PXN: variants seen among roughly 807,000 people sequenced by gnomAD.
The protein encoded by PXN is paxillin.
PXN carries 61 observed loss-of-function variants against 103.6 expected under a neutral mutation model. The ratio of observed to expected loss-of-function variants is 0.59; its 90% CI spans 0.48 to 0.73. The LOEUF (loss-of-function observed/expected upper bound fraction) is 0.73. Among genes scored for constraint, PXN ranks in the 30% least tolerant of loss-of-function variants. The pLI is 0.00. For missense variants in PXN, 1,274 were observed against 1,460.3 expected, an observed-to-expected ratio of 0.87 and a Z score of 2.08; for synonymous variants, 562 against 607.8, an observed-to-expected ratio of 0.92 and a Z score of 1.11.
chr12:120,261,535 C>T lies in PXN; in HGVS notation c.13+4082G>A, dbSNP rs548777466. Among the ~76,000 whole-genome samples the T allele has an allele frequency of 3.9e-5, 6 of 152,100 alleles. No individual in the cohort carries two copies. In the East Asian group the frequency reaches 7.7e-4, roughly 20 times the overall value. On this transcript the variant is annotated intron_variant, in intron 1 of 14. Coordinates refer to ENST00000637617, the MANE Select transcript of PXN (RefSeq NM_001385981.1). ...AAGGCACTGAGACTAGGATGATCCC[C>T]GGAAAGGCTGCAATGAGGCTGGAAG...
In PXN at chr12:120,214,772, G is replaced by A; in HGVS notation, c.2748+53C>T. ...GCACCCCCTGCATCCTCAGAGGGCT[G>A]CGGTGAAGCTGGAATGAGCGGAAGC... On this transcript the variant is annotated intron_variant, in intron 12 of 14. Coordinates refer to ENST00000637617, the MANE Select transcript of PXN (RefSeq NM_001385981.1). The surrounding 1 kb of genome is among the most constrained non-coding windows in gnomAD (Gnocchi z 5.0). 1 of 1,602,002 alleles carries A rather than the reference G, an allele frequency of 6.2e-7. No homozygotes were observed. The highest frequency in any genetic ancestry group is 8.5e-7 in the Non-Finnish European group (1 of 1,171,866).
chr12:120,250,531 C>T (rs1212073756), intron 1 of PXN, among the ~76,000 whole-genome samples: 2 of 152,172 alleles, frequency 1.3e-5, no homozygotes, highest in Admixed American at 1.3e-4. Context: ...GATCTCAGCA[C>T]AGCTCCCTGT....
rs1258266833 is a variant in PXN, at chr12:120,217,030, A to T, written c.1803T>A (p.Pro601=). The change falls in exon 8 of 15, where the codon CCT becomes CCA. Residue 601 remains proline (P), a synonymous_variant. Transcript: ENST00000637617. The surrounding 1 kb of genome is among the most constrained non-coding windows in gnomAD (Gnocchi z 4.1). ...REPSPRRRLD[P]ATLSRTPSQE... ...GGGATGGGGTCCTGCTCAAGGTGGC[A>T]GGGTCCAGCCGGCGGCGAGGGGAGG... The T allele has an allele frequency of 5.1e-6, 8 of 1,584,068 alleles. No individual in the cohort carries two copies. The highest frequency in any genetic ancestry group is 6.8e-6 in the Non-Finnish European group (8 of 1,173,640).
chr12:120,228,888 G>A lies in PXN; in HGVS notation c.14-4511C>T, dbSNP rs1005587754. ...GCTTTGGGTCGGGAGGCCGCCCTGGGGCAGGTGGCTGGGCAGAAACAGTGC... is the reference window on the plus strand; with the variant it reads ...GCTTTGGGTCGGGAGGCCGCCCTGGAGCAGGTGGCTGGGCAGAAACAGTGC... On this transcript the variant is annotated intron_variant, in intron 1 of 14. Transcript: ENST00000637617. This position sits in a 1 kb window ranked among gnomAD's most constrained non-coding sequence, Gnocchi z 4.7. Among the ~76,000 whole-genome samples, 4 of 152,216 alleles carry A rather than the reference G, an allele frequency of 2.6e-5. No individual in the cohort carries two copies. The highest frequency in any genetic ancestry group is 9.6e-5 in the African/African-American group (4 of 41,458).
In PXN at chr12:120,223,846, G is replaced by C; in HGVS notation, c.241-13C>G. Reference sequence around the variant, plus strand: ...ATGAGGACTGAGGCTGCGAGAAGGAGAATGCTCAGAGGCTACCCCGAGGGG... The same window carrying C: ...ATGAGGACTGAGGCTGCGAGAAGGACAATGCTCAGAGGCTACCCCGAGGGG... On this transcript the variant is annotated splice_polypyrimidine_tract_variant and intron_variant, in intron 2 of 14. Transcript: ENST00000637617. The C allele has an allele frequency of 6.4e-7, 1 of 1,559,826 alleles. No individual in the cohort carries two copies. The highest frequency in any genetic ancestry group is 8.8e-7 in the Non-Finnish European group (1 of 1,141,602).
Position 120,216,554 on chromosome 12 carries a change from G to A in PXN, c.2020C>T (p.Pro674Ser). 1 of 1,423,650 alleles carries A rather than the reference G, an allele frequency of 7.0e-7. No individual in the cohort carries two copies. Among genetic ancestry groups the A allele is most frequent in the Non-Finnish European group, 9.1e-7 (1 of 1,097,914 alleles). 88.2% of individuals were successfully genotyped at this position (1,423,650 alleles called of 1,614,324 possible). Residue 674 changes from proline to serine, a missense_variant, in exon 9 of 15, where the codon CCC becomes TCC. This residue lies in a region of PXN where 1,178 missense variants were observed against 1,309.0 expected (regional missense o/e 0.90). Transcript: ENST00000637617. This position sits in a 1 kb window ranked among gnomAD's most constrained non-coding sequence, Gnocchi z 5.1. ...KVVFPPGSPI[P>S]LRRTISVLAS... is the part of the protein sequence containing the mutation. ...AGGACAGAGATGGTTCTTCTCAGGG[G>A]AATGGGAGAGCCAGGAGGGAAGACA...
chr12:120,239,871 C>A (rs902283008), intron 1 of PXN, among the ~76,000 whole-genome samples: 2 of 151,704 alleles, frequency 1.3e-5, no homozygotes, highest in South Asian at 4.1e-4. Flanking sequence ...GAAGAGCTAG[C>A]TAGCAACACT....
At chr12:120,241,503 G>A (rs542286536) in intron 1 of PXN, among the ~76,000 whole-genome samples, 42 of 152,290 alleles carry the variant, frequency 2.8e-4, no homozygotes, top group African/African-American at 9.1e-4. Flanking sequence ...GGCTCCAATC[G>A]CGTTCACAAA....
intron 1 of PXN, among the ~76,000 whole-genome samples, chr12:120,237,994 C>T (rs998109863): frequency 2.0e-5 from 3 of 152,162 alleles, no homozygotes; most frequent in East Asian, 1.9e-4. Flanking sequence ...AGGAGGAATG[C>T]CCCGGCCACT....
intron 1 of PXN, among the ~76,000 whole-genome samples, chr12:120,241,308 G>T (rs938740968): frequency 6.6e-6 from 1 of 152,148 alleles, no homozygotes; most frequent in Non-Finnish European, 1.5e-5. Context: ...TTTCTGGAAT[G>T]GGACCTGCCT....
Position 120,216,083 on chromosome 12 carries a change from C to G in PXN, c.2301+190G>C. On this transcript the variant is annotated intron_variant, in intron 9 of 14. Transcript: ENST00000637617. The surrounding 1 kb of genome is among the most constrained non-coding windows in gnomAD (Gnocchi z 5.1). Reference sequence around the variant, plus strand: ...GACCCACAGAAAAGCAAGAGGGCAGCGGACCTTCTGAGTGGGGGAAGACCG... The same window carrying G: ...GACCCACAGAAAAGCAAGAGGGCAGGGGACCTTCTGAGTGGGGGAAGACCG... 1 of 1,296,420 alleles carries G rather than the reference C, an allele frequency of 7.7e-7. No homozygotes were observed. Among genetic ancestry groups the G allele is most frequent in the South Asian group, 2.8e-5 (1 of 35,850 alleles). 80.3% of individuals were successfully genotyped at this position (1,296,420 alleles called of 1,614,324 possible). A position where few individuals can be genotyped will look rare whatever the true frequency, so the allele number is the denominator to read the frequency against.
At position 120,222,798 on chromosome 12, in the gene PXN, G is replaced by C. The variant is rs1362474498; in HGVS notation, c.494-48C>G. On this transcript the variant is annotated intron_variant, in intron 4 of 14. Transcript: ENST00000637617. The surrounding 1 kb of genome is among the most constrained non-coding windows in gnomAD (Gnocchi z 4.7). ...GCTGCTCAGCCCTTGAGCCCTCCTG[G>C]GATCTAGAGGTCAGCAGATGGGCCC... The C allele has an allele frequency of 6.2e-7, 1 of 1,601,858 alleles. No individual in the cohort carries two copies. Among genetic ancestry groups the C allele is most frequent in the Non-Finnish European group, 8.5e-7 (1 of 1,173,810 alleles).
rs1879994988 is a variant in PXN, at chr12:120,210,824, C to G, written c.*1490G>C. Reference sequence around the variant, plus strand: ...CTTTCTCCTCATCAGGAGCCCAAGGCCTGGCTCCTCTTTCATCCTTGGTAA... The same window carrying G: ...CTTTCTCCTCATCAGGAGCCCAAGGGCTGGCTCCTCTTTCATCCTTGGTAA... On this transcript the variant is annotated 3_prime_UTR_variant, in exon 15 of 15. Coordinates refer to ENST00000637617, the MANE Select transcript of PXN (RefSeq NM_001385981.1). The G allele has an allele frequency of 6.5e-6, 1 of 152,694 alleles. No homozygotes were observed. The highest frequency in any genetic ancestry group is 2.4e-5 in the African/African-American group (1 of 41,464). 9.5% of individuals were successfully genotyped at this position (152,694 alleles called of 1,614,324 possible). A position where few individuals can be genotyped will look rare whatever the true frequency, so the allele number is the denominator to read the frequency against.
At chr12:120,218,358 T>G (rs1483046968) in intron 7 of PXN, among the ~76,000 whole-genome samples, 1 of 151,754 alleles carries the variant, frequency 6.6e-6, no homozygotes, top group South Asian at 2.1e-4. Flanking sequence ...CATAAAGTTT[T>G]TTGTTGTTGT....
chr12:120,226,096 A>G, intron 1 of PXN: 2 of 1,120,780 alleles, frequency 1.8e-6, no homozygotes, highest in Non-Finnish European at 2.2e-6. Flanking sequence ...TATCTAGGTA[A>G]CGGCAGAAAA....
At chr12:120,251,427 G>C (rs1446235688) in intron 1 of PXN, among the ~76,000 whole-genome samples, 1 of 151,822 alleles carries the variant, frequency 6.6e-6, no homozygotes, top group African/African-American at 2.4e-5. Context: ...TGAGGCAGGA[G>C]AATCACTTGA....
In PXN at chr12:120,229,379, A is replaced by G. The variant is rs568196661; in HGVS notation, c.14-5002T>C. Among the ~76,000 whole-genome samples the G allele has an allele frequency of 6.6e-6, 1 of 152,252 alleles. No individual in the cohort carries two copies. The highest frequency in any genetic ancestry group is 2.1e-4 in the South Asian group (1 of 4,822). ...AGAGGCCTGGAGCTGGACAGGTGCC[A>G]AGAGAGAGGAGATAAAAGTCCATCT... On this transcript the variant is annotated intron_variant, in intron 1 of 14. Transcript: ENST00000637617. This position sits in a 1 kb window ranked among gnomAD's most constrained non-coding sequence, Gnocchi z 4.0.
intron 1 of PXN, among the ~76,000 whole-genome samples, chr12:120,238,978 C>T (rs1594466713): frequency 6.6e-6 from 1 of 152,198 alleles, no homozygotes; most frequent in South Asian, 2.1e-4. Context: ...CAGGGAGCTT[C>T]GTGGTCAGCT....
At chr12:120,231,239 A>G (rs939641888) in intron 1 of PXN, among the ~76,000 whole-genome samples, 3 of 152,204 alleles carry the variant, frequency 2.0e-5, no homozygotes, top group Non-Finnish European at 2.9e-5. Flanking sequence ...AGATAATACA[A>G]TTATGGGTGA....
Sources: allele counts gnomAD v4.1 joint callset (sites outside exome capture counted in the v4.1 genomes callset), GRCh38; gene constraint gnomAD v4.1.1; regional missense constraint gnomAD v4.1.1; non-coding constraint Gnocchi (gnomAD v3.1); transcripts MANE v1.5; gene names NCBI Gene and HGNC (gene_info 2026-07-23, HGNC 2026-07-21).